Variants in C1GALT1 observed in about 807,000 individuals in gnomAD.
C1GALT1 encodes the protein glycoprotein-N-acetylgalactosamine 3-beta-galactosyltransferase 1.
In C1GALT1, 11 loss-of-function variants were observed where a neutral mutation model predicts 31.0. That is an observed-to-expected ratio of 0.36 (90% CI 0.22 to 0.59). The LOEUF (loss-of-function observed/expected upper bound fraction) is 0.59, where lower values mean the gene tolerates loss of function less well. Ranked by LOEUF, C1GALT1 falls within the 20% of genes least tolerant of loss-of-function variation. The probability of loss-of-function intolerance (pLI) is 0.79; values close to 1 mark genes in which losing one functional copy is unlikely to be tolerated. For missense variants in C1GALT1, 424 were observed against 425.2 expected, an observed-to-expected ratio of 1.00 and a Z score of 0.03; for synonymous variants, 175 against 143.6, an observed-to-expected ratio of 1.22 and a Z score of -1.56.
chr7:7,208,626 A>G (rs1781858939), intron 1 of C1GALT1, among the ~76,000 whole-genome samples: 1 of 151,978 alleles, frequency 6.6e-6, no homozygotes, highest in African/African-American at 2.4e-5. Context: ...CTAGAGGGGG[A>G]GGGGCTTGCA....
chr7:7,167,812 T>C (rs917449467), intron 2 of C1GALT1, among the ~76,000 whole-genome samples: 1 of 152,144 alleles, frequency 6.6e-6, no homozygotes, highest in African/African-American at 2.4e-5. Flanking sequence ...TCACCCTCTC[T>C]TTTCCTACTC....
At chr7:7,183,697 CA>C in intron 1 of C1GALT1, 1 of 686,572 alleles carries the variant, frequency 1.5e-6, no homozygotes, top group Non-Finnish European at 1.8e-6. Flanking sequence ...GCATTTAAAG[CA>C]AACAACAGTA....
rs1783933425 is a variant in C1GALT1 at position 7,248,448 on chromosome 7, T to G, written c.*4721T>G. 1 of 152,018 alleles carries G rather than the reference T, an allele frequency of 6.6e-6. No individual in the cohort carries two copies. Among genetic ancestry groups the G allele is most frequent in the Non-Finnish European group, 1.5e-5 (1 of 67,874 alleles). 9.4% of individuals were successfully genotyped at this position (152,018 alleles called of 1,614,324 possible). A position where few individuals can be genotyped will look rare whatever the true frequency, so the allele number is the denominator to read the frequency against. On this transcript the variant is annotated 3_prime_UTR_variant, in exon 4 of 4. Transcript: ENST00000436587. ...TCGTGTTTTGGAATTTAAAAATTATTTAAGGTAATGGTGTTACGAATGGTT... is the reference window on the plus strand; with the variant it reads ...TCGTGTTTTGGAATTTAAAAATTATGTAAGGTAATGGTGTTACGAATGGTT...
chr7:7,198,967 G>A (rs956678832), intron 1 of C1GALT1, among the ~76,000 whole-genome samples: 2 of 151,820 alleles, frequency 1.3e-5, no homozygotes, highest in Non-Finnish European at 2.9e-5. Context: ...CCATTTTGTT[G>A]ATCTTTTCAA....
intron 1 of C1GALT1, among the ~76,000 whole-genome samples, chr7:7,199,009 TGAA>T (rs1249540529): frequency 6.6e-6 from 1 of 151,986 alleles, no homozygotes; most frequent in Non-Finnish European, 1.5e-5. Context: ...TGATTTTTTT[TGAA>T]GGGTTTTTTG....
At chr7:7,185,311 G>C (rs1780766509) in intron 1 of C1GALT1, among the ~76,000 whole-genome samples, 1 of 152,200 alleles carries the variant, frequency 6.6e-6, no homozygotes, top group Non-Finnish European at 1.5e-5. Context: ...CTAGATGTTG[G>C]ATAATAGGCA....
intron 1 of C1GALT1, among the ~76,000 whole-genome samples, chr7:7,210,955 C>G (rs1781977411): frequency 6.6e-6 from 1 of 152,190 alleles, no homozygotes; most frequent in African/African-American, 2.4e-5. Context: ...CTTAATAACT[C>G]CTACAACATT....
intron 2 of C1GALT1, among the ~76,000 whole-genome samples, chr7:7,175,216 T>G (rs897369046): frequency 6.6e-6 from 1 of 152,238 alleles, no homozygotes; most frequent in South Asian, 2.1e-4. Context: ...CTTGTCAATA[T>G]GGTCATGGAA....
At chr7:7,205,180 C>T (rs899105841) in intron 1 of C1GALT1, among the ~76,000 whole-genome samples, 1 of 152,034 alleles carries the variant, frequency 6.6e-6, no homozygotes, top group African/African-American at 2.4e-5. Context: ...TCGTTCATCT[C>T]AGTGGTCTGT....
chr7:7,216,462 C>G (rs930134233), intron 1 of C1GALT1, among the ~76,000 whole-genome samples: 1 of 152,090 alleles, frequency 6.6e-6, no homozygotes, highest in Non-Finnish European at 1.5e-5. Flanking sequence ...TCTTTGACTT[C>G]CTAGAACCAG....
intron 1 of C1GALT1, among the ~76,000 whole-genome samples, chr7:7,203,653 GT>G (rs976735241): frequency 2.1e-4 from 31 of 148,012 alleles, no homozygotes; most frequent in East Asian, 5.9e-4. Context: ...TTGGTTTGTA[GT>G]TTTTTTTTTC....
chr7:7,194,241 T>C (rs1009056368), intron 1 of C1GALT1, among the ~76,000 whole-genome samples: 2 of 152,184 alleles, frequency 1.3e-5, no homozygotes, highest in African/African-American at 4.8e-5. Flanking sequence ...TGGGCATCCC[T>C]GTCTTGTTCC....
chr7:7,180,512 CTGT>C (rs35914970), upstream of C1GALT1, among the ~76,000 whole-genome samples: 15,678 of 152,168 alleles, frequency 0.1, 831 homozygotes, highest in East Asian at 0.21. Context: ...TTATTCATGA[CTGT>C]TGTTCACTGT....
chr7:7,161,814 G>A (rs1411610836), intron 2 of C1GALT1, among the ~76,000 whole-genome samples: 1 of 152,078 alleles, frequency 6.6e-6, no homozygotes, highest in Middle Eastern at 3.2e-3. Flanking sequence ...TATGGTAGGT[G>A]CTATTTCAAG....
Position 7,248,463 on chromosome 7 carries a change from T to C in C1GALT1, c.*4736T>C, listed in dbSNP as rs1428299131. 1.3e-5 allele frequency: 2 copies of C among 152,040 alleles called. No homozygotes were observed. Among genetic ancestry groups the C allele is most frequent in the Non-Finnish European group, 2.9e-5 (2 of 67,880 alleles). 9.4% of individuals were successfully genotyped at this position (152,040 alleles called of 1,614,324 possible). ...TAAAAATTATTTAAGGTAATGGTGT[T>C]ACGAATGGTTTAAAAATGTCTGGTG... On this transcript the variant is annotated 3_prime_UTR_variant, in exon 4 of 4. Coordinates refer to ENST00000436587, the MANE Select transcript of C1GALT1 (RefSeq NM_020156.5).
intron 1 of C1GALT1, among the ~76,000 whole-genome samples, chr7:7,189,219 A>G (rs1780950539): frequency 6.6e-6 from 1 of 152,160 alleles, no homozygotes; most frequent in African/African-American, 2.4e-5. Context: ...ATCAACAGAC[A>G]GACGTCTTAT....
At chr7:7,231,309 T>C (rs1159793700) in intron 1 of C1GALT1, among the ~76,000 whole-genome samples, 1 of 152,180 alleles carries the variant, frequency 6.6e-6, no homozygotes, top group Non-Finnish European at 1.5e-5. Context: ...TTCTTTTTCT[T>C]TGTAATCTTC....
chr7:7,193,895 C>T (rs1781176648), intron 1 of C1GALT1, among the ~76,000 whole-genome samples: 2 of 151,748 alleles, frequency 1.3e-5, no homozygotes, highest in Admixed American at 1.3e-4. Flanking sequence ...CTTTCACTTC[C>T]TTAGGTATAT....
At chr7:7,198,512 C>G (rs1480098794) in intron 1 of C1GALT1, among the ~76,000 whole-genome samples, 1 of 152,150 alleles carries the variant, frequency 6.6e-6, no homozygotes, top group African/African-American at 2.4e-5. Flanking sequence ...TATTGTGTCT[C>G]TGCTAGGCTT....
Sources: gnomAD v4.1 joint callset for allele counts (sites outside exome capture counted in the v4.1 genomes callset) on GRCh38, gnomAD v4.1.1 for gene constraint, MANE v1.5 for transcripts, NCBI Gene and HGNC (gene_info 2026-07-23, HGNC 2026-07-21) for gene names.